Variants in ACTR3B observed in about 807,000 individuals in gnomAD.
ACTR3B encodes the protein actin-related protein 3B.
A neutral mutation model predicts 59.0 loss-of-function variants in ACTR3B; 8 were observed. The ratio of observed to expected loss-of-function variants is 0.14; its 90% confidence interval spans 0.08 to 0.24. The LOEUF (loss-of-function observed/expected upper bound fraction) is 0.24. ACTR3B is among the 10% of genes least tolerant of loss of function. The pLI, the probability that ACTR3B is intolerant of heterozygous loss-of-function variation, is 1.00. For synonymous variants in ACTR3B, 148 were observed against 197.9 expected (o/e 0.75, Z 2.12); for missense variants, 245 against 552.3 (o/e 0.44, Z 5.58).
Position 152,852,106 on chromosome 7 carries a change from C to T in ACTR3B, c.952-20C>T. ...GGCGGGCGGTTTTACCCAGGGCTCC[C>T]TCTGCTTTGTGTCTTGTAGAATGTC... On this transcript the variant is annotated intron_variant, in intron 9 of 11. Transcript: ENST00000256001. 1 of 1,613,928 alleles carries T rather than the reference C, an allele frequency of 6.2e-7. No homozygotes were observed. The highest frequency in any genetic ancestry group is 8.5e-7 in the Non-Finnish European group (1 of 1,179,920).
At chr7:152,785,297 C>G (rs1009448216) in intron 2 of ACTR3B, among the ~76,000 whole-genome samples, 4 of 142,340 alleles carry the variant, frequency 2.8e-5, no homozygotes, top group Admixed American at 7.3e-5. Context: ...CCTTAGCAGT[C>G]GCAGAAGCTA....
At chr7:152,815,673 C>T (rs1479825016) in intron 5 of ACTR3B, among the ~76,000 whole-genome samples, 2 of 152,262 alleles carry the variant, frequency 1.3e-5, no homozygotes, top group African/African-American at 2.4e-5. Context: ...CAAGCCTCCC[C>T]GCCCCGACGA....
chr7:152,807,192 C>T (rs1294357227), intron 4 of ACTR3B, among the ~76,000 whole-genome samples: 1 of 152,168 alleles, frequency 6.6e-6, no homozygotes, highest in Admixed American at 6.5e-5. Context: ...ATCATTTCCC[C>T]CTTCACTACA....
intron 2 of ACTR3B, among the ~76,000 whole-genome samples, chr7:152,787,497 A>G (rs2098178487): frequency 6.6e-6 from 1 of 151,738 alleles, no homozygotes; most frequent in Non-Finnish European, 1.5e-5. Context: ...GTTTCTGTTT[A>G]AAAAATGCAT....
intron 9 of ACTR3B, among the ~76,000 whole-genome samples, chr7:152,846,356 C>T (rs1798282228): frequency 7.0e-6 from 1 of 142,620 alleles, no homozygotes; most frequent in East Asian, 2.2e-4. Flanking sequence ...CTGCAGTGAG[C>T]TCTAGTGCCC....
chr7:152,795,535 CTT>C (rs902132181), intron 2 of ACTR3B, among the ~76,000 whole-genome samples: 5 of 152,194 alleles, frequency 3.3e-5, no homozygotes, highest in African/African-American at 9.7e-5. Context: ...ACCTTGAAAA[CTT>C]TTCATTTGGA....
At chr7:152,773,900 A>G (rs13312220) in intron 1 of ACTR3B, among the ~76,000 whole-genome samples, 6 of 152,104 alleles carry the variant, frequency 3.9e-5, no homozygotes, top group African/African-American at 1.4e-4. Flanking sequence ...TGGGCTGTCC[A>G]CACTTGCTCC....
chr7:152,833,059 A>C (rs1797155981), intron 9 of ACTR3B, among the ~76,000 whole-genome samples: 1 of 152,206 alleles, frequency 6.6e-6, no homozygotes, highest in Non-Finnish European at 1.5e-5. Context: ...GTTAAGTGGC[A>C]CTGAGAGGTC....
At chr7:152,778,258 T>A (rs960704187) in intron 1 of ACTR3B, among the ~76,000 whole-genome samples, 3 of 151,534 alleles carry the variant, frequency 2.0e-5, no homozygotes, top group Admixed American at 6.6e-5. Flanking sequence ...ACTTATGTTT[T>A]TTTATTTATT....
chr7:152,785,513 A>G (rs2098171051), intron 2 of ACTR3B, among the ~76,000 whole-genome samples: 1 of 101,514 alleles, frequency 9.9e-6, no homozygotes, highest in Non-Finnish European at 1.9e-5. Context: ...GAGAGAGAGG[A>G]GAGAGAAGAG....
rs568516691 is a variant in ACTR3B, at chr7:152,845,483, G to A, written c.952-6643G>A. The stretch of plus-strand genomic sequence containing the variant: ...ATGGTGCCCATGCAGAGTGCTGACC[G>A]CAAGGAGCTCTATTCCGTGCTGAGC... On this transcript the variant is annotated intron_variant, in intron 9 of 11. Coordinates refer to ENST00000256001, the MANE Select transcript of ACTR3B (RefSeq NM_020445.6). Among the ~76,000 whole-genome samples, 30 of 152,350 alleles carry A rather than the reference G, an allele frequency of 2.0e-4. No homozygotes were observed. The East Asian group carries it at 3.7e-3, about 19-fold the overall frequency.
intron 1 of ACTR3B, 47 bp downstream of exon 1, chr7:152,759,973 C>T: frequency 7.6e-7 from 1 of 1,307,440 alleles, no homozygotes; most frequent in Non-Finnish European, 9.8e-7. Flanking sequence ...GGCCCCGCTC[C>T]CGGCCCCTGG....
At chr7:152,825,917 C>G (rs1256064141) in intron 9 of ACTR3B, among the ~76,000 whole-genome samples, 1 of 152,128 alleles carries the variant, frequency 6.6e-6, no homozygotes, top group African/African-American at 2.4e-5. Flanking sequence ...TGAGGAAAAT[C>G]TAGTCTATAT....
At chr7:152,820,256 C>G (rs142567659) in intron 6 of ACTR3B, 43 bp from the exon 7 acceptor site, 32 of 1,572,890 alleles carry the variant, frequency 2.0e-5, no homozygotes, top group Non-Finnish European at 1.9e-5. Context: ...CTCTCCACCA[C>G]GAAATCACTA....
intron 4 of ACTR3B, among the ~76,000 whole-genome samples, chr7:152,803,128 C>T (rs573284006): frequency 1.2e-3 from 180 of 152,324 alleles, no homozygotes; most frequent in African/African-American, 4.2e-3. Context: ...CTCACTGCAG[C>T]CTCGGACTCT....
chr7:152,839,182 G>A (rs1399255370), intron 9 of ACTR3B, among the ~76,000 whole-genome samples: 1 of 147,114 alleles, frequency 6.8e-6, no homozygotes, highest in Non-Finnish European at 1.5e-5. Context: ...TATACAAGGT[G>A]GGGTCCGAAT....
intron 10 of ACTR3B, among the ~76,000 whole-genome samples, chr7:152,852,937 G>T (rs543342259): frequency 6.6e-6 from 1 of 152,024 alleles, no homozygotes; most frequent in Non-Finnish European, 1.5e-5. Flanking sequence ...GACTACAGGT[G>T]CCCGCCACCA....
chr7:152,775,526 G>T (rs1314883971), intron 1 of ACTR3B, among the ~76,000 whole-genome samples: 1 of 152,108 alleles, frequency 6.6e-6, no homozygotes, highest in Non-Finnish European at 1.5e-5. Context: ...TTGGGAGGCC[G>T]AGGCGGGCAG....
At chr7:152,844,102 G>C (rs1348449081) in intron 9 of ACTR3B, among the ~76,000 whole-genome samples, 3 of 152,200 alleles carry the variant, frequency 2.0e-5, no homozygotes, top group Admixed American at 1.3e-4. Flanking sequence ...GAGTTGCCCA[G>C]GTTGGAGTGT....
Sources: gnomAD v4.1 joint callset for allele counts (sites outside exome capture counted in the v4.1 genomes callset) on GRCh38, gnomAD v4.1.1 for gene constraint, MANE v1.5 for transcripts, NCBI Gene and HGNC (gene_info 2026-07-23, HGNC 2026-07-21) for gene names.